The following TEAD1 variants were observed in gnomAD, a reference collection of about 807,000 sequenced individuals.
TEAD1 encodes the protein transcriptional enhancer factor TEF-1.
Under a neutral mutation model 54.9 loss-of-function variants are expected in TEAD1, and 9 were observed. The observed-to-expected ratio is 0.16, with a 90% CI of 0.10 to 0.29. TEAD1 has a LOEUF of 0.29. Ranked by LOEUF, TEAD1 falls within the 10% of genes least tolerant of loss-of-function variation. The pLI is 1.00. For missense variants in TEAD1, 387 were observed against 535.9 expected (o/e 0.72, Z 2.74); for synonymous variants, 200 against 187.8 (o/e 1.07, Z -0.53).
intron 3 of TEAD1, among the ~76,000 whole-genome samples, chr11:12,834,279 T>A (rs1946838968): frequency 6.6e-6 from 1 of 152,252 alleles, no homozygotes; most frequent in African/African-American, 2.4e-5. Context: ...GACTATTCTT[T>A]TTAAATCATT....
chr11:12,913,520 C>T (rs1019860481), intron 10 of TEAD1, among the ~76,000 whole-genome samples: 1 of 152,214 alleles, frequency 6.6e-6, no homozygotes, highest in African/African-American at 2.4e-5. Context: ...CTTCATTTTC[C>T]CTACCTAAAG....
chr11:12,749,517 C>A (rs1260838721), intron 2 of TEAD1, among the ~76,000 whole-genome samples: 1 of 152,124 alleles, frequency 6.6e-6, no homozygotes, highest in Non-Finnish European at 1.5e-5. Flanking sequence ...CTGAATTCAG[C>A]AGACTCATTT....
At chr11:12,746,825 A>G (rs1346292752) in intron 2 of TEAD1, among the ~76,000 whole-genome samples, 1 of 152,228 alleles carries the variant, frequency 6.6e-6, no homozygotes, top group Non-Finnish European at 1.5e-5. Context: ...TTCTCCCAGG[A>G]TGAGCTGCTG....
At chr11:12,688,661 T>C (rs1341024442) in intron 2 of TEAD1, among the ~76,000 whole-genome samples, 2 of 152,254 alleles carry the variant, frequency 1.3e-5, no homozygotes, top group African/African-American at 4.8e-5. Flanking sequence ...GCCCCAGTTC[T>C]GCCTATTGGC....
intron 2 of TEAD1, among the ~76,000 whole-genome samples, chr11:12,694,254 CTT>C (rs1338269816): frequency 6.6e-6 from 1 of 152,086 alleles, no homozygotes; most frequent in Non-Finnish European, 1.5e-5. Flanking sequence ...AGTATCGACT[CTT>C]TGTTTGTTCT....
At chr11:12,786,154 G>C (rs1273241424) in intron 3 of TEAD1, among the ~76,000 whole-genome samples, 1 of 152,212 alleles carries the variant, frequency 6.6e-6, no homozygotes, top group Non-Finnish European at 1.5e-5. Context: ...GACATGAGCA[G>C]CTGGGCTTTG....
intron 3 of TEAD1, among the ~76,000 whole-genome samples, chr11:12,860,429 C>A (rs951321755): frequency 1.3e-5 from 2 of 152,208 alleles, no homozygotes; most frequent in Non-Finnish European, 2.9e-5. Context: ...ATGTCCTGCA[C>A]AGTCCCAGCA....
intron 10 of TEAD1, among the ~76,000 whole-genome samples, chr11:12,910,217 G>C (rs1444482072): frequency 6.6e-6 from 1 of 152,160 alleles, no homozygotes; most frequent in Non-Finnish European, 1.5e-5. Context: ...GTAGCTCACA[G>C]CTGACTGTCA....
intron 3 of TEAD1, among the ~76,000 whole-genome samples, chr11:12,796,529 C>A (rs1257202594): frequency 6.7e-6 from 1 of 149,090 alleles, no homozygotes; most frequent in Non-Finnish European, 1.5e-5. Flanking sequence ...AGTTTGAGAC[C>A]AGCCTGGGCA....
chr11:12,698,851 G>A (rs1427674914), intron 2 of TEAD1, among the ~76,000 whole-genome samples: 1 of 152,180 alleles, frequency 6.6e-6, no homozygotes, highest in Non-Finnish European at 1.5e-5. Context: ...TTCAGGGAGT[G>A]TAGCTGGGGT....
intron 9 of TEAD1, among the ~76,000 whole-genome samples, chr11:12,886,487 C>A (rs1244752454): frequency 6.6e-6 from 1 of 152,182 alleles, no homozygotes; most frequent in Non-Finnish European, 1.5e-5. Flanking sequence ...TGAGCACCTA[C>A]TACACGCCAG....
chr11:12,805,538 A>T (rs1946151332), intron 3 of TEAD1, among the ~76,000 whole-genome samples: 1 of 152,220 alleles, frequency 6.6e-6, no homozygotes, highest in Admixed American at 6.5e-5. Flanking sequence ...ATGATCTCTG[A>T]TGTAGAACCA....
intron 3 of TEAD1, among the ~76,000 whole-genome samples, chr11:12,858,997 T>C (rs1947446322): frequency 6.6e-6 from 1 of 152,160 alleles, no homozygotes; most frequent in African/African-American, 2.4e-5. Context: ...AAACATAATC[T>C]AAACATAGAA....
intron 10 of TEAD1, among the ~76,000 whole-genome samples, chr11:12,919,763 G>A (rs1648747880): frequency 6.6e-6 from 1 of 152,186 alleles, no homozygotes. Flanking sequence ...ACCTCTGAAA[G>A]TGCTGGGATT....
chr11:12,894,109 C>T (rs773125740), intron 9 of TEAD1, among the ~76,000 whole-genome samples: 2 of 152,198 alleles, frequency 1.3e-5, no homozygotes, highest in South Asian at 4.1e-4. Flanking sequence ...CATACCTTGA[C>T]ATGAGTTATT....
intron 3 of TEAD1, among the ~76,000 whole-genome samples, chr11:12,773,519 A>G (rs1247551198): frequency 6.6e-6 from 1 of 152,168 alleles, no homozygotes; most frequent in African/African-American, 2.4e-5. Context: ...AAGACTAACG[A>G]TGTTGAACAT....
chr11:12,879,955 G>T (rs75286826), intron 6 of TEAD1, 113 bp downstream of exon 6: 4 of 1,498,928 alleles, frequency 2.7e-6, no homozygotes, highest in East Asian at 2.3e-5. Flanking sequence ...ATGTGAGAGG[G>T]CAAAGGCTAC....
intron 5 of TEAD1, among the ~76,000 whole-genome samples, chr11:12,876,117 C>G (rs956403730): frequency 6.6e-6 from 1 of 152,048 alleles, no homozygotes; most frequent in Non-Finnish European, 1.5e-5. Context: ...TCTTGAACTC[C>G]TGTTTTCATT....
At chr11:12,715,111 A>G (rs919458319) in intron 2 of TEAD1, among the ~76,000 whole-genome samples, 1 of 152,160 alleles carries the variant, frequency 6.6e-6, no homozygotes, top group African/African-American at 2.4e-5. Context: ...TATGGAGCAT[A>G]CCATGGGGTC....
Sources: gnomAD v4.1 joint callset for allele counts (sites outside exome capture counted in the v4.1 genomes callset) on GRCh38, gnomAD v4.1.1 for gene constraint, MANE v1.5 for transcripts, NCBI Gene and HGNC (gene_info 2026-07-23, HGNC 2026-07-21) for gene names.